Variants in IL7 observed in about 807,000 individuals in gnomAD.
IL7 encodes the protein interleukin-7.
A neutral mutation model predicts 21.6 loss-of-function variants in IL7; 3 were observed. The observed-to-expected ratio is 0.14, with a 90% CI of 0.06 to 0.36. The LOEUF is 0.36. Among genes scored for constraint, IL7 ranks in the 10% least tolerant of loss-of-function variants. The pLI is 1.00. For missense variants in IL7, 175 were observed against 200.2 expected, an observed-to-expected ratio of 0.87 and a Z score of 0.76; for synonymous variants, 62 against 68.1, an observed-to-expected ratio of 0.91 and a Z score of 0.44.
intron 4 of IL7, among the ~76,000 whole-genome samples, chr8:78,683,839 A>G (rs537447459): frequency 7.9e-5 from 12 of 152,184 alleles, no homozygotes; most frequent in Non-Finnish European, 1.8e-4. Context: ...CTTCCACCAG[A>G]AACCTTAAAT....
downstream of IL7, among the ~76,000 whole-genome samples, chr8:78,713,142 CAT>C (rs1441710365): frequency 2.0e-5 from 3 of 151,996 alleles, no homozygotes; most frequent in Non-Finnish European, 4.4e-5. Context: ...TTTAATTATT[CAT>C]ATGAGCTGTT....
At chr8:78,730,327 T>G (rs1563410973), downstream of IL7, among the ~76,000 whole-genome samples, 10 of 152,000 alleles carry the variant, frequency 6.6e-5, no homozygotes. Flanking sequence ...CTGCATGTAT[T>G]TTTATATTTA....
intron 3 of IL7, chr8:78,689,218 A>C (rs1416870907): frequency 6.5e-7 from 1 of 1,549,536 alleles, no homozygotes; most frequent in Non-Finnish European, 8.7e-7. Flanking sequence ...TTTATCTGTT[A>C]TAGATTATAT....
chr8:78,687,671 C>T (rs1210600559), intron 3 of IL7, among the ~76,000 whole-genome samples: 17 of 104,720 alleles, frequency 1.6e-4, no homozygotes, highest in African/African-American at 6.6e-4. Context: ...TATATATTTA[C>T]GTAATACATT....
chr8:78,729,484 G>A (rs139351643), downstream of IL7, among the ~76,000 whole-genome samples: 30 of 152,060 alleles, frequency 2.0e-4, no homozygotes, highest in Middle Eastern at 0.01. Context: ...AATTTACCCC[G>A]AGTGAAAGTA....
chr8:78,691,032 A>G (rs1181383059), intron 3 of IL7, among the ~76,000 whole-genome samples: 2 of 152,146 alleles, frequency 1.3e-5, no homozygotes, highest in Non-Finnish European at 2.9e-5. Flanking sequence ...AAATAAGGAC[A>G]GTTTTATTTT....
intron 2 of IL7, among the ~76,000 whole-genome samples, chr8:78,757,643 C>T (rs1020064973): frequency 1.3e-5 from 2 of 151,954 alleles, no homozygotes; most frequent in African/African-American, 4.8e-5. Context: ...ACATACTAGA[C>T]CTCTTTATCT....
Position 78,747,040 on chromosome 8 carries a change from C to T in IL7, c.148-6958G>A, listed in dbSNP as rs201372890. On this transcript the variant is annotated intron_variant, in intron 2 of 5. Transcript: ENST00000263851. ...AGCAAACGAATGTCTAATTATTGCT[C>T]ATAGCTGATTGCTGCTTCCTTTCTG... The T allele has an allele frequency of 2.0e-5, 9 of 456,532 alleles. No homozygotes were observed. In the East Asian group the frequency reaches 2.1e-4, roughly 11 times the overall value. The allele number at this position is 456,532 out of a possible 1,614,324, so 28.3% of individuals were successfully genotyped here. A position where few individuals can be genotyped will look rare whatever the true frequency, so the allele number is the denominator to read the frequency against.
intron 2 of IL7, among the ~76,000 whole-genome samples, chr8:78,795,455 T>A (rs1460889994): frequency 6.6e-6 from 1 of 152,010 alleles, no homozygotes; most frequent in African/African-American, 2.4e-5. Context: ...TTAAGAAGAG[T>A]AGCCATGTTT....
At chr8:78,778,885 GT>G (rs1813222855) in intron 2 of IL7, among the ~76,000 whole-genome samples, 1 of 152,066 alleles carries the variant, frequency 6.6e-6, no homozygotes, top group South Asian at 2.1e-4. Context: ...AGCATGACAT[GT>G]TTTTTCATTT....
At chr8:78,703,275 A>G (rs1810665170) in intron 3 of IL7, among the ~76,000 whole-genome samples, 1 of 152,162 alleles carries the variant, frequency 6.6e-6, no homozygotes. Context: ...AATTCTGTAA[A>G]TATCTATCAG....
chr8:78,689,091 G>A, intron 3 of IL7: 1 of 541,362 alleles, frequency 1.8e-6, no homozygotes, highest in Non-Finnish European at 2.8e-6. Flanking sequence ...GTAGTTATAA[G>A]GATATGGGAA....
intron 3 of IL7, among the ~76,000 whole-genome samples, chr8:78,722,601 C>T (rs545496621): frequency 5.8e-4 from 88 of 151,994 alleles, no homozygotes; most frequent in Non-Finnish European, 9.0e-4. Flanking sequence ...TCTTCTTTGC[C>T]CATCCATCTG....
At position 78,764,447 on chromosome 8, in the gene IL7, T is replaced by C. The variant is rs76521744; in HGVS notation, c.148-24365A>G. On this transcript the variant is annotated intron_variant, in intron 2 of 5. Transcript: ENST00000263851. The stretch of plus-strand genomic sequence containing the variant: ...TATGTAGAAAATTTTTTTAAATTGG[T>C]AAAAAAGTCTCTGATAACTAATAAG... Among the ~76,000 whole-genome samples the C allele has an allele frequency of 2.3e-3, 357 of 152,042 alleles. 3 individuals carry two copies. Among genetic ancestry groups the C allele is most frequent in the Admixed American group, 4.2e-3 (64 of 15,272 alleles).
At chr8:78,681,141 C>A (rs947118188) in intron 4 of IL7, among the ~76,000 whole-genome samples, 1 of 151,970 alleles carries the variant, frequency 6.6e-6, no homozygotes, top group Non-Finnish European at 1.5e-5. Context: ...ACAGAGACGC[C>A]TTATTTGCAG....
At position 78,797,992 on chromosome 8, in the gene IL7, T is replaced by C. The variant is rs62519009; in HGVS notation, c.147+80A>G. 2,870 of 1,099,480 alleles carry C rather than the reference T, an allele frequency of 2.6e-3. 6 individuals carry two copies. The highest frequency in any genetic ancestry group is 3.5e-3 in the Non-Finnish European group (2,668 of 762,102). 68.1% of individuals were successfully genotyped at this position (1,099,480 alleles called of 1,614,324 possible). ...CTTTCTTGTCAAGAAAGATGAATAC[T>C]TGATTATAAAACTGCATACCAAAAA... On this transcript the variant is annotated intron_variant, in intron 2 of 5. Coordinates refer to ENST00000263851, the MANE Select transcript of IL7 (RefSeq NM_000880.4).
chr8:78,683,907 C>T (rs1341757159), intron 4 of IL7, among the ~76,000 whole-genome samples: 2 of 152,212 alleles, frequency 1.3e-5, no homozygotes, highest in Non-Finnish European at 2.9e-5. Context: ...TGCTACCAGT[C>T]TCTTTGCTAA....
At chr8:78,758,799 T>C (rs1299321459) in intron 2 of IL7, among the ~76,000 whole-genome samples, 1 of 152,270 alleles carries the variant, frequency 6.6e-6, no homozygotes, top group East Asian at 1.9e-4. Context: ...CTTCAACCTT[T>C]CACAGTGTAA....
At chr8:78,677,053 A>G (rs1269933945) in intron 4 of IL7, among the ~76,000 whole-genome samples, 1 of 152,112 alleles carries the variant, frequency 6.6e-6, no homozygotes, top group Non-Finnish European at 1.5e-5. Flanking sequence ...AACTGAAAAT[A>G]AGTATGTAAA....
Sources: allele counts gnomAD v4.1 joint callset (sites outside exome capture counted in the v4.1 genomes callset), GRCh38; gene constraint gnomAD v4.1.1; transcripts MANE v1.5; gene names NCBI Gene and HGNC (gene_info 2026-07-23, HGNC 2026-07-21).